The following RABGAP1L variants were observed in gnomAD, a reference collection of about 807,000 sequenced individuals.
RABGAP1L encodes rab GTPase-activating protein 1-like.
RABGAP1L carries 63 observed loss-of-function variants against 137.7 expected under a neutral mutation model. That is an observed-to-expected ratio of 0.46 (90% CI 0.37 to 0.56). RABGAP1L has a LOEUF of 0.56. RABGAP1L is among the 20% of genes least tolerant of loss of function. The pLI is 0.00. For synonymous variants in RABGAP1L, 431 were observed against 433.7 expected (o/e 0.99, Z 0.08); for missense variants, 1,095 against 1,244.0 (o/e 0.88, Z 1.80).
At chr1:174,776,886 T>A (rs1422301065) in intron 18 of RABGAP1L, among the ~76,000 whole-genome samples, 1 of 152,206 alleles carries the variant, frequency 6.6e-6, no homozygotes, top group African/African-American at 2.4e-5. Flanking sequence ...GTAGTTTGAT[T>A]TTCTAATCCT....
At chr1:174,587,237 G>A (rs1413759912) in intron 13 of RABGAP1L, among the ~76,000 whole-genome samples, 1 of 139,724 alleles carries the variant, frequency 7.2e-6, no homozygotes, top group Admixed American at 8.0e-5. Context: ...ATAGCAGCAT[G>A]ATTTATGGTC....
intron 20 of RABGAP1L, among the ~76,000 whole-genome samples, chr1:174,967,596 C>T (rs1669748996): frequency 6.6e-6 from 1 of 152,058 alleles, no homozygotes; most frequent in South Asian, 2.1e-4. Flanking sequence ...ACCTCAGCCA[C>T]CCAAAGTGCT....
intron 1 of RABGAP1L, among the ~76,000 whole-genome samples, chr1:174,176,609 G>A (rs1665872560): frequency 2.0e-5 from 3 of 149,238 alleles, no homozygotes; most frequent in Admixed American, 1.4e-4. Context: ...CTACTTGGGA[G>A]GCTAAGATGG....
chr1:174,373,800 G>A (rs1046782434), intron 12 of RABGAP1L, among the ~76,000 whole-genome samples: 2 of 152,186 alleles, frequency 1.3e-5, no homozygotes, highest in Non-Finnish European at 2.9e-5. Flanking sequence ...CTGAAAGCCA[G>A]TGGGCAAGGG....
At chr1:174,611,553 C>G (rs922376493) in intron 13 of RABGAP1L, among the ~76,000 whole-genome samples, 12 of 148,586 alleles carry the variant, frequency 8.1e-5, no homozygotes, top group African/African-American at 2.5e-4. Flanking sequence ...TTTTTTGGTT[C>G]CATATGAACT....
intron 19 of RABGAP1L, among the ~76,000 whole-genome samples, chr1:174,901,516 A>G (rs565121943): frequency 6.6e-6 from 1 of 152,296 alleles, no homozygotes; most frequent in East Asian, 1.9e-4. Context: ...TGATTCAGTT[A>G]TCTCCACCTG....
At chr1:174,497,053 T>A (rs1370084190) in intron 13 of RABGAP1L, among the ~76,000 whole-genome samples, 1 of 152,312 alleles carries the variant, frequency 6.6e-6, no homozygotes, top group African/African-American at 2.4e-5. Flanking sequence ...CTGGGGAGTA[T>A]CTCTCTAGGT....
Position 174,781,288 on chromosome 1 carries a change from T to A in RABGAP1L, c.2211+28934T>A, listed in dbSNP as rs560544432. Among the ~76,000 whole-genome samples, 1,455 of 152,316 alleles carry A rather than the reference T, an allele frequency of 9.6e-3. 25 individuals are homozygous for A. Among genetic ancestry groups the A allele is most frequent in the African/African-American group, 0.033 (1,391 of 41,570 alleles). On this transcript the variant is annotated intron_variant, in intron 18 of 25. Coordinates refer to ENST00000681986, the MANE Select transcript of RABGAP1L (RefSeq NM_001366446.1). ...TAACTGGTGTGAGATGATATCTCAT[T>A]GTGGTTTTGATTTGTATTTCTCTGA...
intron 12 of RABGAP1L, among the ~76,000 whole-genome samples, chr1:174,384,788 A>C (rs573194933): frequency 6.6e-6 from 1 of 152,182 alleles, no homozygotes; most frequent in African/African-American, 2.4e-5. Context: ...TAGGTGCTCA[A>C]TTCATATTTA....
chr1:174,171,933 G>A (rs953961722), intron 1 of RABGAP1L, among the ~76,000 whole-genome samples: 10 of 152,132 alleles, frequency 6.6e-5, no homozygotes, highest in South Asian at 4.1e-4. Context: ...CCCGGGAGGC[G>A]GAGGTTGCAG....
intron 13 of RABGAP1L, among the ~76,000 whole-genome samples, chr1:174,394,733 T>G (rs1647605440): frequency 6.6e-6 from 1 of 152,130 alleles, no homozygotes; most frequent in Admixed American, 6.5e-5. Flanking sequence ...CTCTAAGTAC[T>G]GTATTTTAAA....
intron 12 of RABGAP1L, among the ~76,000 whole-genome samples, chr1:174,376,472 A>C (rs868349168): frequency 2.7e-4 from 41 of 152,334 alleles, no homozygotes; most frequent in African/African-American, 9.4e-4. Context: ...ACAATATATA[A>C]ATTTGAAAGG....
chr1:174,752,144 G>A (rs559927857), intron 17 of RABGAP1L, among the ~76,000 whole-genome samples, 169 bp from the exon 18 acceptor site: 1 of 152,108 alleles, frequency 6.6e-6, no homozygotes, highest in South Asian at 2.1e-4. Context: ...TTTATAACAA[G>A]CCACTCAGGG....
rs185422950 is a variant in RABGAP1L, at chr1:174,490,326, C to A, written c.1710+96181C>A. Among the ~76,000 whole-genome samples the A allele has an allele frequency of 1.1e-4, 17 of 152,298 alleles. No individual in the cohort carries two copies. The East Asian group carries it at 3.3e-3, about 29-fold the overall frequency. On this transcript the variant is annotated intron_variant, in intron 13 of 25. Coordinates refer to ENST00000681986, the MANE Select transcript of RABGAP1L (RefSeq NM_001366446.1). ...AAGCCCGGTAACACTGTGGTTCTTA[C>A]AGACTCATAAGATGCCGCCTTCGTG...
intron 4 of RABGAP1L, among the ~76,000 whole-genome samples, chr1:174,238,604 T>C (rs1484400029): frequency 2.0e-5 from 3 of 151,308 alleles, no homozygotes; most frequent in Admixed American, 2.0e-4. Context: ...AGGGACCCAC[T>C]TGAGGAGGCA....
At chr1:174,547,152 C>G (rs946034385) in intron 13 of RABGAP1L, among the ~76,000 whole-genome samples, 4 of 151,390 alleles carry the variant, frequency 2.6e-5, no homozygotes, top group Non-Finnish European at 4.4e-5. Context: ...ATTAAACAGA[C>G]CTGTATTCAA....
intron 13 of RABGAP1L, among the ~76,000 whole-genome samples, chr1:174,544,063 G>C (rs1209468508): frequency 6.6e-6 from 1 of 152,070 alleles, no homozygotes; most frequent in African/African-American, 2.4e-5. Context: ...GAATCTGACA[G>C]TTATGTGTCT....
intron 13 of RABGAP1L, among the ~76,000 whole-genome samples, chr1:174,531,288 G>A (rs944941570): frequency 6.6e-6 from 1 of 152,064 alleles, no homozygotes; most frequent in Non-Finnish European, 1.5e-5. Context: ...AGTTCACCAA[G>A]TATATATACA....
rs1034306576 is a variant in RABGAP1L, at chr1:174,691,863, C to T, written c.1900-7662C>T. ...GTAGGTAGGTACCACCGTACTACCTCGTGGAGGAATTGCACGTACTAAGGT... is the reference window on the plus strand; with the variant it reads ...GTAGGTAGGTACCACCGTACTACCTTGTGGAGGAATTGCACGTACTAAGGT... On this transcript the variant is annotated intron_variant, in intron 15 of 25. Coordinates refer to ENST00000681986, the MANE Select transcript of RABGAP1L (RefSeq NM_001366446.1). Among the ~76,000 whole-genome samples the T allele has an allele frequency of 6.6e-5, 10 of 152,124 alleles. 1 individual carries two copies. The South Asian group carries it at 1.5e-3, about 22-fold the overall frequency.
Sources: gnomAD v4.1 joint callset for allele counts (sites outside exome capture counted in the v4.1 genomes callset) on GRCh38, gnomAD v4.1.1 for gene constraint, MANE v1.5 for transcripts, NCBI Gene and HGNC (gene_info 2026-07-23, HGNC 2026-07-21) for gene names.